MET: variants seen among roughly 807,000 people sequenced by gnomAD.
MET encodes the protein MET proto-oncogene, receptor tyrosine kinase.
A neutral mutation model predicts 133.1 loss-of-function variants in MET; 48 were observed. The ratio of observed to expected loss-of-function variants is 0.36; its 90% confidence interval spans 0.29 to 0.46. The LOEUF is 0.46. MET is among the 20% of genes least tolerant of loss of function. The pLI is 1.00. For synonymous variants in MET, 628 were observed against 616.5 expected, an observed-to-expected ratio of 1.02 and a Z score of -0.28; for missense variants, 1,442 against 1,695.9, an observed-to-expected ratio of 0.85 and a Z score of 2.63.
chr7:116,792,492 CA>C (rs1795539839), intron 19 of MET, among the ~76,000 whole-genome samples: 1 of 148,188 alleles, frequency 6.7e-6, no homozygotes, highest in Non-Finnish European at 1.5e-5. Flanking sequence ...CACACACACA[CA>C]CACACACACC....
At chr7:116,735,057 G>A (rs549953371) in intron 3 of MET, among the ~76,000 whole-genome samples, 5 of 152,264 alleles carry the variant, frequency 3.3e-5, no homozygotes, top group South Asian at 2.1e-4. Flanking sequence ...GCGAGAGGGG[G>A]TGGGGAGGCC....
chr7:116,740,766 A>T, intron 4 of MET, 86 bp from the exon 5 acceptor site: 3 of 1,503,426 alleles, frequency 2.0e-6, no homozygotes, highest in Non-Finnish European at 2.8e-6. Context: ...AATGATATTT[A>T]CATGTACCTT....
At position 116,755,364 on chromosome 7, in the gene MET, A is replaced by C; in HGVS notation, c.1711A>C (p.Asn571His). 1 of 1,614,096 alleles carries C rather than the reference A, an allele frequency of 6.2e-7. No individual in the cohort carries two copies. The highest frequency in any genetic ancestry group is 8.5e-7 in the Non-Finnish European group (1 of 1,180,008). ...TATGTTGTCCTTGTAGGTTTTCCCA[A>C]ATAGTGCACCCCTTGAAGGAGGGAC... ...CLPAIYKVFP[N>H]SAPLEGGTRL... Residue 571 changes from asparagine to histidine, a missense_variant, in exon 6 of 21, where the codon AAT becomes CAT. By Grantham distance (68) the Asn-to-His change is moderately conservative. Coordinates refer to ENST00000397752, the MANE Select transcript of MET (RefSeq NM_000245.4).
rs1795163717 is a variant in MET, at chr7:116,781,847, G to A, written c.3523-141G>A. 1.7e-4 allele frequency: 115 copies of A among 659,704 alleles called. 2 individuals are homozygous for A. In the South Asian group the frequency reaches 1.9e-3, roughly 11 times the overall value. The allele number at this position is 659,704 out of a possible 1,614,324, so 40.9% of individuals were successfully genotyped here. ...CTCGCCTTGGCCTCTCAAAGTTCTGGGATTACAGGCTTGAGCCATTAAGAC... is the reference window on the plus strand; with the variant it reads ...CTCGCCTTGGCCTCTCAAAGTTCTGAGATTACAGGCTTGAGCCATTAAGAC... On this transcript the variant is annotated intron_variant, in intron 17 of 20. Transcript: ENST00000397752.
intron 15 of MET, among the ~76,000 whole-genome samples, chr7:116,776,566 G>C (rs1324527155): frequency 6.6e-6 from 1 of 152,162 alleles, no homozygotes; most frequent in Non-Finnish European, 1.5e-5. Context: ...TTCTGCAGGA[G>C]AATAGGAGCA....
chr7:116,680,324 G>A (rs566896765), intron 1 of MET, among the ~76,000 whole-genome samples: 8 of 152,196 alleles, frequency 5.3e-5, no homozygotes, highest in African/African-American at 1.4e-4. Context: ...GTACACATTC[G>A]TATTTACATG....
intron 3 of MET, among the ~76,000 whole-genome samples, chr7:116,737,577 G>A (rs2116814630): frequency 1.3e-5 from 2 of 152,230 alleles, no homozygotes; most frequent in South Asian, 4.1e-4. Context: ...GAAATTCTAT[G>A]TTGTATTTTT....
Position 116,772,126 on chromosome 7 carries a change from T to C in MET, c.3028+137T>C. 3 of 917,744 alleles carry C rather than the reference T, an allele frequency of 3.3e-6. No homozygotes were observed. In the Admixed American group the frequency reaches 7.1e-5, roughly 22 times the overall value. 56.9% of individuals were successfully genotyped at this position (917,744 alleles called of 1,614,324 possible). A position where few individuals can be genotyped will look rare whatever the true frequency, so the allele number is the denominator to read the frequency against. On this transcript the variant is annotated intron_variant, in intron 14 of 20. Coordinates refer to ENST00000397752, the MANE Select transcript of MET (RefSeq NM_000245.4). ...AGTATTTACCTCTGCCAAGTAAGTA[T>C]TTGACACAAAATTACATGGCTCTTA...
chr7:116,770,039 C>T (rs183022486), intron 12 of MET: 1 of 542,554 alleles, frequency 1.8e-6, no homozygotes, highest in Non-Finnish European at 3.3e-6. Flanking sequence ...CCACACTCTT[C>T]CCAAAATTTG....
At chr7:116,675,435 A>G (rs1471885354) in intron 1 of MET, among the ~76,000 whole-genome samples, 1 of 152,314 alleles carries the variant, frequency 6.6e-6, no homozygotes, top group African/African-American at 2.4e-5. Flanking sequence ...TTTTTTAAAA[A>G]TCAAAGTTTG....
intron 10 of MET, among the ~76,000 whole-genome samples, chr7:116,760,274 T>C (rs1317820599): frequency 6.6e-6 from 1 of 152,118 alleles, no homozygotes; most frequent in African/African-American, 2.4e-5. Flanking sequence ...TTCTTATCAT[T>C]CTTCTTGTCC....
intron 5 of MET, among the ~76,000 whole-genome samples, chr7:116,755,150 T>C (rs1189573292): frequency 6.6e-6 from 1 of 152,220 alleles, no homozygotes. Context: ...TTCATTAACA[T>C]GTCATGTAGT....
At chr7:116,693,441 T>A (rs925923114) in intron 1 of MET, among the ~76,000 whole-genome samples, 1 of 152,090 alleles carries the variant, frequency 6.6e-6, no homozygotes, top group South Asian at 2.1e-4. Flanking sequence ...ACACAGCTGG[T>A]TCAGCATTAT....
intron 19 of MET, among the ~76,000 whole-genome samples, chr7:116,787,795 A>G (rs1438473828): frequency 6.6e-6 from 1 of 152,210 alleles, no homozygotes; most frequent in East Asian, 1.9e-4. Context: ...TTGAATAGAC[A>G]TTTTACCAAA....
rs2116595895 is a variant in MET at position 116,699,792 on chromosome 7, T to G, written c.708T>G (p.Asp236Glu). 6.2e-7 allele frequency: 1 copy of G among 1,614,134 alleles called. No individual in the cohort carries two copies. Among genetic ancestry groups the G allele is most frequent in the Non-Finnish European group, 8.5e-7 (1 of 1,179,976 alleles). The part of the protein sequence containing the change: ...FMFLTDQSYI[D>E]VLPEFRDSYP... ...TTTTGACGGACCAGTCCTACATTGA[T>G]GTTTTACCTGAGTTCAGAGATTCTT... The change falls in exon 2 of 21, where the codon GAT becomes GAG. Residue 236 changes from aspartate (D) to glutamate (E), a missense_variant. Physicochemically the swap from Asp to Glu is conservative, Grantham distance 45. Around this residue, in one of 6 missense-constraint regions of MET, gnomAD observed 762 missense variants for 792.4 expected, o/e 0.96. Transcript: ENST00000397752.
At chr7:116,743,698 T>C (rs1444124149) in intron 5 of MET, among the ~76,000 whole-genome samples, 2 of 152,208 alleles carry the variant, frequency 1.3e-5, no homozygotes, top group Non-Finnish European at 2.9e-5. Flanking sequence ...AGGGACAGAT[T>C]GCCTCTTCAA....
chr7:116,687,629 G>A (rs1195146507), intron 1 of MET, among the ~76,000 whole-genome samples: 2 of 152,106 alleles, frequency 1.3e-5, no homozygotes, highest in Non-Finnish European at 2.9e-5. Context: ...GCCTAAATAA[G>A]AAAATGTCAT....
chr7:116,755,040 G>GAAAGAAAGAA (rs918744668), intron 5 of MET, among the ~76,000 whole-genome samples: 2 of 39,370 alleles, frequency 5.1e-5, no homozygotes, highest in Non-Finnish European at 1.2e-4. Context: ...AAGAAAGAAA[G>GAAAGAAAGAA]AAAAGAAAGA....
intron 1 of MET, among the ~76,000 whole-genome samples, chr7:116,694,704 T>G (rs1796898334): frequency 6.6e-6 from 1 of 152,204 alleles, no homozygotes; most frequent in Non-Finnish European, 1.5e-5. Flanking sequence ...TTTTATTTTT[T>G]TTAGATGGAG....
Sources: gnomAD v4.1 joint callset for allele counts (sites outside exome capture counted in the v4.1 genomes callset) on GRCh38, gnomAD v4.1.1 for gene constraint, gnomAD v4.1.1 regional missense constraint, MANE v1.5 for transcripts, NCBI Gene and HGNC (gene_info 2026-07-23, HGNC 2026-07-21) for gene names.